Variants in GPC5 observed in about 807,000 individuals in gnomAD.
The protein encoded by GPC5 is glypican-5.
Under a neutral mutation model 53.9 loss-of-function variants are expected in GPC5, and 47 were observed. That is an observed-to-expected ratio of 0.87 (90% CI 0.69 to 1.11). GPC5 has a LOEUF of 1.11. Among genes scored for constraint, GPC5 ranks in the 50% most tolerant of loss-of-function variants. The probability of loss-of-function intolerance (pLI) is 0.00; values close to 1 mark genes in which losing one functional copy is unlikely to be tolerated. For synonymous variants in GPC5, 286 were observed against 263.3 expected (o/e 1.09, Z -0.84); for missense variants, 748 against 713.1 (o/e 1.05, Z -0.56).
intron 6 of GPC5, among the ~76,000 whole-genome samples, chr13:91,947,420 A>G (rs191250032): frequency 7.2e-5 from 11 of 152,230 alleles, no homozygotes; most frequent in African/African-American, 2.7e-4. Context: ...CAACTTATGT[A>G]CAACCAGTAT....
chr13:91,531,081 T>C (rs1886319598), intron 2 of GPC5, among the ~76,000 whole-genome samples: 1 of 152,208 alleles, frequency 6.6e-6, no homozygotes, highest in African/African-American at 2.4e-5. Context: ...CTAGTTCTTC[T>C]GTGACTATTG....
At chr13:91,905,926 GT>G (rs760074181) in intron 5 of GPC5, among the ~76,000 whole-genome samples, 42 of 152,048 alleles carry the variant, frequency 2.8e-4, no homozygotes, top group South Asian at 4.1e-4. Flanking sequence ...AGCACAAGTA[GT>G]TTTGGCAACA....
At chr13:91,735,857 T>C (rs1241209112) in intron 4 of GPC5, among the ~76,000 whole-genome samples, 1 of 151,310 alleles carries the variant, frequency 6.6e-6, no homozygotes, top group African/African-American at 2.5e-5. Context: ...TCTTGATTAT[T>C]TGTGATAGCT....
chr13:91,798,655 T>C (rs529365530), intron 5 of GPC5, among the ~76,000 whole-genome samples: 17 of 152,276 alleles, frequency 1.1e-4, no homozygotes, highest in South Asian at 1.0e-3. Flanking sequence ...TGAATATACA[T>C]GTATTTTTAT....
rs954925072 is a variant in GPC5 at position 91,877,513 on chromosome 13, A to G, written c.1281-30424A>G. Reference sequence around the variant, plus strand: ...CTGCCCTGCTGGATTTCAGACTTGCATGGGCCCTGTAACGTCTTTGTTTTG... The same window carrying G: ...CTGCCCTGCTGGATTTCAGACTTGCGTGGGCCCTGTAACGTCTTTGTTTTG... On this transcript the variant is annotated intron_variant, in intron 5 of 7. Coordinates refer to ENST00000377067, the MANE Select transcript of GPC5 (RefSeq NM_004466.6). Among the ~76,000 whole-genome samples, 3 of 152,286 alleles carry G rather than the reference A, an allele frequency of 2.0e-5. No homozygotes were observed. In the East Asian group the frequency reaches 5.8e-4, roughly 29 times the overall value.
intron 6 of GPC5, among the ~76,000 whole-genome samples, chr13:92,009,919 G>A (rs750858162): frequency 2.0e-5 from 3 of 152,112 alleles, no homozygotes; most frequent in African/African-American, 4.8e-5. Context: ...TTTATATCAT[G>A]AGGGTATATA....
chr13:92,013,966 A>G (rs1336206330), intron 6 of GPC5, among the ~76,000 whole-genome samples: 1 of 152,206 alleles, frequency 6.6e-6, no homozygotes, highest in Non-Finnish European at 1.5e-5. Context: ...GTAAGAGATC[A>G]TAGATATAGT....
intron 7 of GPC5, among the ~76,000 whole-genome samples, chr13:92,737,540 A>G (rs1888969202): frequency 6.6e-6 from 1 of 152,084 alleles, no homozygotes; most frequent in African/African-American, 2.4e-5. Flanking sequence ...TTTAGGTTTT[A>G]TTCAGAAGTG....
At chr13:92,296,745 GC>G (rs1175290440) in intron 7 of GPC5, among the ~76,000 whole-genome samples, 3 of 152,174 alleles carry the variant, frequency 2.0e-5, no homozygotes, top group African/African-American at 7.2e-5. Flanking sequence ...GGCTTGGTGG[GC>G]CCCGCACTTG....
At chr13:92,805,569 T>C (rs148961387) in intron 7 of GPC5, among the ~76,000 whole-genome samples, 115 of 152,146 alleles carry the variant, frequency 7.6e-4, no homozygotes, top group African/African-American at 2.6e-3. Flanking sequence ...CCCAAGTAGC[T>C]GGGACTACAG....
At chr13:92,393,416 A>G (rs1875115247) in intron 7 of GPC5, among the ~76,000 whole-genome samples, 1 of 152,162 alleles carries the variant, frequency 6.6e-6, no homozygotes, top group Admixed American at 6.5e-5. Context: ...TTGGGAGGAC[A>G]AGGTGGGCAG....
chr13:91,817,563 C>T (rs1159428868), intron 5 of GPC5, among the ~76,000 whole-genome samples: 1 of 151,996 alleles, frequency 6.6e-6, no homozygotes, highest in Non-Finnish European at 1.5e-5. Context: ...GGAAATAATG[C>T]GTGGGAAGTT....
chr13:92,520,844 C>G (rs182272111), intron 7 of GPC5, among the ~76,000 whole-genome samples: 29 of 152,178 alleles, frequency 1.9e-4, no homozygotes, highest in African/African-American at 5.8e-4. Flanking sequence ...TCAAATTGTC[C>G]CTGTTTGCAG....
chr13:92,344,168 GA>G (rs914379281), intron 7 of GPC5, among the ~76,000 whole-genome samples: 6 of 152,056 alleles, frequency 3.9e-5, no homozygotes, highest in African/African-American at 1.4e-4. Context: ...AAAGCCTCAG[GA>G]AACCTATAAT....
chr13:91,429,961 T>C (rs1879322811), intron 1 of GPC5, among the ~76,000 whole-genome samples: 1 of 152,194 alleles, frequency 6.6e-6, no homozygotes, highest in African/African-American at 2.4e-5. Flanking sequence ...TGTTAGATTA[T>C]ACACTCTGGC....
intron 2 of GPC5, among the ~76,000 whole-genome samples, chr13:91,582,355 C>A (rs2032395843): frequency 1.3e-5 from 2 of 152,164 alleles, no homozygotes; most frequent in South Asian, 4.1e-4. Flanking sequence ...ATAATATCAT[C>A]ACAGGCTTCA....
chr13:92,506,683 T>A (rs772859563), intron 7 of GPC5, among the ~76,000 whole-genome samples: 1 of 152,140 alleles, frequency 6.6e-6, no homozygotes, highest in African/African-American at 2.4e-5. Flanking sequence ...ATAACATCCC[T>A]GAGGAGAACG....
chr13:92,171,415 TC>T (rs1399046526), intron 7 of GPC5, among the ~76,000 whole-genome samples: 2 of 152,126 alleles, frequency 1.3e-5, no homozygotes, highest in Non-Finnish European at 2.9e-5. Flanking sequence ...ATGTATAATC[TC>T]CTCCACTGAC....
intron 1 of GPC5, among the ~76,000 whole-genome samples, chr13:91,401,807 T>C (rs1000138495): frequency 1.6e-4 from 24 of 152,220 alleles, no homozygotes; most frequent in African/African-American, 3.4e-4. Flanking sequence ...CCCCTCACCT[T>C]TGTTCTCTAC....
Sources: gnomAD v4.1 joint callset for allele counts (sites outside exome capture counted in the v4.1 genomes callset) on GRCh38, gnomAD v4.1.1 for gene constraint, MANE v1.5 for transcripts, NCBI Gene and HGNC (gene_info 2026-07-23, HGNC 2026-07-21) for gene names.